MYCBPAP: variants seen among roughly 807,000 people sequenced by gnomAD.
MYCBPAP encodes the protein MYCBP associated protein.
Under a neutral mutation model 106.1 loss-of-function variants are expected in MYCBPAP, and 60 were observed. The observed-to-expected ratio is 0.57, with a 90% CI of 0.46 to 0.70. MYCBPAP has a LOEUF of 0.70. MYCBPAP is among the 30% of genes least tolerant of loss of function. MYCBPAP has a pLI of 0.00. For synonymous variants in MYCBPAP, 407 were observed against 440.6 expected, an observed-to-expected ratio of 0.92 and a Z score of 0.95; for missense variants, 1,064 against 1,169.3, an observed-to-expected ratio of 0.91 and a Z score of 1.31.
chr17:50,529,486 T>C lies in MYCBPAP; in HGVS notation c.2724+298T>C. 4 of 392,434 alleles carry C rather than the reference T, an allele frequency of 1.0e-5. No individual in the cohort carries two copies. The Admixed American group carries it at 1.4e-4, about 14-fold the overall frequency. 24.3% of individuals were successfully genotyped at this position (392,434 alleles called of 1,614,324 possible). On this transcript the variant is annotated intron_variant, in intron 18 of 18. Coordinates refer to ENST00000323776, the MANE Select transcript of MYCBPAP (RefSeq NM_032133.6). ...GAAGGGTGGCCAAGTAGACGTCCAG[T>C]AAAGAGTGCTCCAGGCATGGGGAGC...
Position 50,527,338 on chromosome 17 carries a change from C to T in MYCBPAP, c.2221C>T (p.Leu741Phe). Reference sequence around the variant, plus strand: ...CCACAGAGAGGATGCGTTGATGAGGCTCAACAAAGCAGCCCTGGAGCTGTG... The same window carrying T: ...CCACAGAGAGGATGCGTTGATGAGGTTCAACAAAGCAGCCCTGGAGCTGTG... The part of the protein sequence containing the change: ...ENHREDALMR[L>F]NKAALELCQK... The change falls in exon 15 of 19, where the codon CTC becomes TTC. Residue 741 changes from leucine (L) to phenylalanine (F), a missense_variant. By Grantham distance (22) the Leu-to-Phe change is conservative. Transcript: ENST00000323776. 6.2e-7 allele frequency: 1 copy of T among 1,614,130 alleles called. No individual in the cohort carries two copies. Among genetic ancestry groups the T allele is most frequent in the East Asian group, 2.2e-5 (1 of 44,876 alleles).
Position 50,508,556 on chromosome 17 carries a change from C to T in MYCBPAP, c.-119C>T, listed in dbSNP as rs1360144782. On this transcript the variant is annotated 5_prime_UTR_variant, in exon 1 of 19. Coordinates refer to ENST00000323776, the MANE Select transcript of MYCBPAP (RefSeq NM_032133.6). The stretch of plus-strand genomic sequence containing the variant: ...CAAGTTGATCGGTGGATGCGCGCCC[C>T]CGCGCGGGGCACCGGTTGCTGTGGA... 2 of 1,544,284 alleles carry T rather than the reference C, an allele frequency of 1.3e-6. No homozygotes were observed. The highest frequency in any genetic ancestry group is 2.4e-5 in the South Asian group (2 of 84,192).
intron 12 of MYCBPAP, 30 bp downstream of exon 12, chr17:50,523,814 G>A: frequency 1.3e-6 from 2 of 1,595,826 alleles, no homozygotes; most frequent in Non-Finnish European, 1.7e-6. Context: ...GGCCCCTGTG[G>A]ACATCAGGTA....
chr17:50,515,230 C>T (rs1419848629), intron 1 of MYCBPAP, among the ~76,000 whole-genome samples: 3 of 151,482 alleles, frequency 2.0e-5, no homozygotes, highest in East Asian at 1.9e-4. Context: ...CCACGCCCGC[C>T]GACTCAGGGC....
intron 15 of MYCBPAP, among the ~76,000 whole-genome samples, chr17:50,527,903 G>C (rs1484673722): frequency 2.0e-5 from 3 of 152,156 alleles, no homozygotes; most frequent in African/African-American, 7.2e-5. Flanking sequence ...CTCTGAAGTA[G>C]GACTGAATTC....
At chr17:50,529,302 G>A in intron 18 of MYCBPAP, 114 bp downstream of exon 18, 2 of 1,000,990 alleles carry the variant, frequency 2.0e-6, no homozygotes, top group Non-Finnish European at 2.9e-6. Flanking sequence ...AGCTGCTTCA[G>A]GAAGGGCATC....
At position 50,526,205 on chromosome 17, in the gene MYCBPAP, C is replaced by A; in HGVS notation, c.2107C>A (p.Pro703Thr). 4 of 1,613,240 alleles carry A rather than the reference C, an allele frequency of 2.5e-6. No individual in the cohort carries two copies. The highest frequency in any genetic ancestry group is 3.4e-6 in the Non-Finnish European group (4 of 1,179,964). The change falls in exon 14 of 19, where the codon CCC (proline) becomes ACC (threonine). Residue 703 changes from proline to threonine, a missense_variant. Pro to Thr is a conservative substitution (Grantham distance 38). Transcript: ENST00000323776. ...CCCAGATGTGGACAGCACCAAGAGCCCCTGGGAGCCGGATGGCCTTCCCCT... is the reference window on the plus strand; with the variant it reads ...CCCAGATGTGGACAGCACCAAGAGCACCTGGGAGCCGGATGGCCTTCCCCT... ...ESPDVDSTKS[P>T]WEPDGLPLLE...
intron 1 of MYCBPAP, among the ~76,000 whole-genome samples, chr17:50,514,436 A>G (rs2033968501): frequency 6.6e-6 from 1 of 152,170 alleles, no homozygotes; most frequent in African/African-American, 2.4e-5. Flanking sequence ...GTAGGGCCTT[A>G]TATCAAACCA....
intron 16 of MYCBPAP, 75 bp downstream of exon 16, chr17:50,528,345 G>A: frequency 2.4e-6 from 3 of 1,264,072 alleles, no homozygotes; most frequent in Non-Finnish European, 3.4e-6. Flanking sequence ...AGCAGTGCCT[G>A]GGCCAGTCAT....
At chr17:50,519,488 G>A in intron 6 of MYCBPAP, 152 bp from the exon 7 acceptor site, 1 of 916,136 alleles carries the variant, frequency 1.1e-6, no homozygotes, top group Non-Finnish European at 1.6e-6. Flanking sequence ...AGAAAACACG[G>A]CAGTGGATGC....
At chr17:50,509,020 G>A (rs1313727519) in intron 1 of MYCBPAP, 2 of 702,808 alleles carry the variant, frequency 2.8e-6, no homozygotes, top group African/African-American at 3.5e-5. Flanking sequence ...ATGGCCTTGC[G>A]CTACCTCTAA....
At chr17:50,530,476 C>G (rs1597853252) in intron 18 of MYCBPAP, among the ~76,000 whole-genome samples, 1 of 77,580 alleles carries the variant, frequency 1.3e-5, no homozygotes, top group East Asian at 5.7e-4. Context: ...GCTTGGGTGA[C>G]AAGAGTGAGA....
chr17:50,508,875 A>G, intron 1 of MYCBPAP, 125 bp downstream of exon 1: 1 of 915,886 alleles, frequency 1.1e-6, no homozygotes, highest in Middle Eastern at 2.9e-4. Context: ...ATCACGGGGA[A>G]GTGGGGTACT....
Position 50,508,734 on chromosome 17 carries a change from C to T in MYCBPAP, c.60C>T (p.Ala20=), listed in dbSNP as rs576262735. The change falls in exon 1 of 19, where the codon GCC becomes GCT. Residue 20 remains alanine (A), a synonymous_variant. Coordinates refer to ENST00000323776, the MANE Select transcript of MYCBPAP (RefSeq NM_032133.6). The part of the protein sequence containing the change: ...LRITPTRLLE[A]SENVKEKKRA... ...TAACTCCGACCAGATTATTAGAGGC[C>T]TCAGAGAATGTCAAAGGTTGGCGCT... is the stretch of plus-strand genomic sequence containing the variant. 5.6e-6 allele frequency: 9 copies of T among 1,611,096 alleles called. No individual in the cohort carries two copies. In the Admixed American group the frequency reaches 1.0e-4, roughly 18 times the overall value.
chr17:50,510,493 G>GATATATA (rs1567879009), intron 1 of MYCBPAP: 1 of 99,066 alleles, frequency 1.0e-5, no homozygotes, highest in African/African-American at 4.8e-5. Flanking sequence ...GTGTGTGTGT[G>GATATATA]TGTGTGTATA....
intron 13 of MYCBPAP, 110 bp downstream of exon 13, chr17:50,525,133 C>T (rs2034415729): frequency 7.6e-7 from 1 of 1,321,592 alleles, no homozygotes; most frequent in Non-Finnish European, 1.0e-6. Context: ...GCATTACTGC[C>T]TGAGCTCTGC....
chr17:50,514,944 C>A (rs1254756117), intron 1 of MYCBPAP: 3 of 451,360 alleles, frequency 6.6e-6, no homozygotes, highest in Non-Finnish European at 1.3e-5. Context: ...TGCCATTGCC[C>A]ATGGGGTAAG....
Position 50,516,603 on chromosome 17 carries a change from C to T in MYCBPAP, c.110C>T (p.Thr37Ile), listed in dbSNP as rs201432061. Residue 37 changes from threonine (T) to isoleucine (I), a missense_variant, in exon 2 of 19, where the codon ACA (threonine) becomes ATA (isoleucine). Physicochemically the swap from Thr to Ile is moderately conservative, Grantham distance 89 (BLOSUM62 -1). Transcript: ENST00000323776. ...CGGGCAAAGGGACCTGAACAACCCA[C>T]ACCCACAATTCAGGAAGAGCCTGAA... The part of the protein sequence containing the change: ...KKRAKGPEQP[T>I]PTIQEEPEPV... 6.2e-7 allele frequency: 1 copy of T among 1,614,204 alleles called. No individual in the cohort carries two copies. The highest frequency in any genetic ancestry group is 1.3e-5 in the African/African-American group (1 of 75,050).
intron 6 of MYCBPAP, 25 bp downstream of exon 6, chr17:50,519,114 CG>C: frequency 2.8e-6 from 2 of 722,904 alleles, no homozygotes; most frequent in Non-Finnish European, 4.0e-6. Context: ...CCTAAGTGCC[CG>C]GGGGCAGGGG....
Sources: gnomAD v4.1 joint callset for allele counts (sites outside exome capture counted in the v4.1 genomes callset) on GRCh38, gnomAD v4.1.1 for gene constraint, MANE v1.5 for transcripts, NCBI Gene and HGNC (gene_info 2026-07-23, HGNC 2026-07-21) for gene names.